Variants in MYH7 observed in about 807,000 individuals in gnomAD.
MYH7 encodes myosin-7.
In MYH7, 129 loss-of-function variants were observed where a neutral mutation model predicts 225.4. That is an observed-to-expected ratio of 0.57 (90% CI 0.50 to 0.66). The LOEUF (loss-of-function observed/expected upper bound fraction) is 0.66. MYH7 is among the 30% of genes least tolerant of loss of function. MYH7 has a pLI of 0.00. For missense variants in MYH7, 1,649 were observed against 2,517.0 expected (o/e 0.66, Z 7.38); for synonymous variants, 971 against 1,007.6 (o/e 0.96, Z 0.69).
intron 27 of MYH7, 46 bp from the exon 28 acceptor site, chr14:23,419,655 G>T (rs1028388804): frequency 1.9e-6 from 3 of 1,606,284 alleles, no homozygotes; most frequent in Non-Finnish European, 2.6e-6. Flanking sequence ...GGGGCGGGGG[G>T]AATGAAGGGG....
rs45448096 is a variant in MYH7, at chr14:23,427,947, G to A, written c.1579-53C>T. The A allele has an allele frequency of 1.8e-3, 2,879 of 1,606,876 alleles. 7 individuals are homozygous for A. Among genetic ancestry groups the A allele is most frequent in the Admixed American group, 3.7e-3 (220 of 59,948 alleles). On this transcript the variant is annotated intron_variant, in intron 15 of 39. Coordinates refer to ENST00000355349, the MANE Select transcript of MYH7 (RefSeq NM_000257.4). ...AGTGTCCTTCACACAGGTGGACATG[G>A]ATTCTGCTCTATGGTCAATATACTT...
intron 11 of MYH7, 79 bp downstream of exon 11, chr14:23,430,481 T>C: frequency 1.7e-6 from 2 of 1,155,344 alleles, no homozygotes; most frequent in South Asian, 1.3e-5. Context: ...ATGGCCAGCG[T>C]CTTAGCTCTG....
intron 33 of MYH7, 42 bp downstream of exon 33, chr14:23,416,826 G>T: frequency 6.2e-7 from 1 of 1,613,506 alleles, no homozygotes; most frequent in Non-Finnish European, 8.5e-7. Flanking sequence ...CAAAAGCCTG[G>T]AGCTCAGCTC....
In MYH7 at chr14:23,418,326, C is replaced by T. The variant is rs397516200; in HGVS notation, c.4053G>A (p.Thr1351=). 1.0e-4 allele frequency: 167 copies of T among 1,613,754 alleles called. 4 individuals carry two copies. The South Asian group carries it at 1.1e-3, about 10-fold the overall frequency. The change falls in exon 30 of 40, where the codon ACG becomes ACA. Residue 1351 remains threonine, a synonymous_variant. Coordinates refer to ENST00000355349, the MANE Select transcript of MYH7 (RefSeq NM_000257.4). ...DLLREQYEEE[T]EAKAELQRVL... ...CGCGCTGCAGCTCGGCCTTGGCCTCCGTCTCCTCCTCGTACTGCTCCCGCA... is the reference window on the plus strand; with the variant it reads ...CGCGCTGCAGCTCGGCCTTGGCCTCTGTCTCCTCCTCGTACTGCTCCCGCA...
Position 23,414,998 on chromosome 14 carries a change from G to C in MYH7, c.5556C>G (p.Tyr1852Ter), listed in dbSNP as rs730880823. Reference sequence around the variant, plus strand: ...CTGGAGTCACCGCCCGTCGCACCTGGTAGGTGAGCTCCTTGATGCGCCGCT... The same window carrying C: ...CTGGAGTCACCGCCCGTCGCACCTGCTAGGTGAGCTCCTTGATGCGCCGCT... ...KSERRIKELT[Y>*]QTEEDRKNLL... is the part of the protein sequence containing the mutation. Residue 1852 changes from tyrosine (Y) to a stop codon, truncating the protein, a stop_gained, in exon 37 of 40, where the codon TAC becomes TAG. Transcript: ENST00000355349. LOFTEE classifies it high-confidence loss of function. 14 of 1,607,226 alleles carry C rather than the reference G, an allele frequency of 8.7e-6. No individual in the cohort carries two copies. The highest frequency in any genetic ancestry group is 1.2e-5 in the Non-Finnish European group (14 of 1,179,984).
chr14:23,419,723 A>ACCTTCCC, intron 27 of MYH7, 114 bp from the exon 28 acceptor site: 1 of 1,611,876 alleles, frequency 6.2e-7, no homozygotes, highest in Non-Finnish European at 8.5e-7. Flanking sequence ...GAAGGAGGGG[A>ACCTTCCC]TCTGAGAACC....
chr14:23,425,453 AG>A lies in MYH7; in HGVS notation c.2287-36del. On this transcript the variant is annotated intron_variant, in intron 20 of 39. Coordinates refer to ENST00000355349, the MANE Select transcript of MYH7 (RefSeq NM_000257.4). The surrounding 1 kb of genome is among the most constrained non-coding windows in gnomAD (Gnocchi z 4.6). ...AGGTGTGTGTTGGCCATGACTAGGG[AG>A]GGGTACGAGGGAAAGAGATGGTGGG... is the stretch of plus-strand genomic sequence containing the variant. 6.2e-7 allele frequency: 1 copy of A among 1,613,782 alleles called. No individual in the cohort carries two copies. The highest frequency in any genetic ancestry group is 8.5e-7 in the Non-Finnish European group (1 of 1,179,978).
At chr14:23,431,296 A>G in intron 9 of MYH7, 122 bp downstream of exon 9, 1 of 1,002,760 alleles carries the variant, frequency 1.0e-6, no homozygotes, top group South Asian at 1.3e-5. Context: ...AGAGACACCT[A>G]CAGACAGAGA....
intron 9 of MYH7, 42 bp from the exon 10 acceptor site, chr14:23,431,041 G>A (rs528944730): frequency 1.4e-6 from 2 of 1,440,978 alleles, no homozygotes; most frequent in South Asian, 2.3e-5. Context: ...AGAAAAGTTA[G>A]GGTTTGGGCA....
chr14:23,427,999 T>A, intron 15 of MYH7, 105 bp from the exon 16 acceptor site: 1 of 1,432,308 alleles, frequency 7.0e-7, no homozygotes, highest in South Asian at 1.2e-5. Context: ...TGTTGGGTGT[T>A]AAGGTAGTAG....
Position 23,422,427 on chromosome 14 carries a change from C to T in MYH7, c.3100-102G>A, listed in dbSNP as rs79015823. ...ACTTGGTAAATCTTTGTGTTCAGGA[C>T]TTGGGAAACCTTCCCCAGAGTGGGC... On this transcript the variant is annotated intron_variant, in intron 24 of 39. Transcript: ENST00000355349. 1.3e-3 allele frequency: 2,006 copies of T among 1,531,756 alleles called. 22 individuals carry two copies. In the African/African-American group the frequency reaches 0.023, roughly 17 times the overall value. The allele number at this position is 1,531,756 out of a possible 1,614,324, so 94.9% of individuals were successfully genotyped here. A position where few individuals can be genotyped will look rare whatever the true frequency, so the allele number is the denominator to read the frequency against.
intron 38 of MYH7, 48 bp from the exon 39 acceptor site, chr14:23,413,941 C>A: frequency 6.2e-7 from 1 of 1,614,232 alleles, no homozygotes; most frequent in Non-Finnish European, 8.5e-7. Context: ...GGTTCTCAGA[C>A]TCCTGGCTTG....
rs146641667 is a variant in MYH7 at position 23,416,585 on chromosome 14, A to G, written c.4645-273T>C. On this transcript the variant is annotated intron_variant, in intron 33 of 39. Coordinates refer to ENST00000355349, the MANE Select transcript of MYH7 (RefSeq NM_000257.4). ...AGGAAACAGAGGCAATCAGGTATAGAGTATAAAAGAAAACAGAGGGAGGCA... is the reference window on the plus strand; with the variant it reads ...AGGAAACAGAGGCAATCAGGTATAGGGTATAAAAGAAAACAGAGGGAGGCA... Among the ~76,000 whole-genome samples the G allele has an allele frequency of 5.2e-3, 788 of 152,316 alleles. 12 individuals are homozygous for G. Among genetic ancestry groups the G allele is most frequent in the African/African-American group, 0.018 (737 of 41,566 alleles).
chr14:23,417,210 A>G lies in MYH7; in HGVS notation c.4462T>C (p.Tyr1488His). ...STELFKLKNA[Y>H]EESLEHLETF... The stretch of plus-strand genomic sequence containing the variant: ...TCCAGATGTTCCAGGGACTCCTCAT[A>G]GGCGTTCTTGAGTTTGAAGAGCTCT... Residue 1488 changes from tyrosine (Y) to histidine (H), a missense_variant, in exon 32 of 40, where the codon TAT (tyrosine) becomes CAT (histidine). By Grantham distance (83) the Tyr-to-His change is moderately conservative. Coordinates refer to ENST00000355349, the MANE Select transcript of MYH7 (RefSeq NM_000257.4). The G allele has an allele frequency of 6.2e-7, 1 of 1,614,122 alleles. No homozygotes were observed. Among genetic ancestry groups the G allele is most frequent in the Non-Finnish European group, 8.5e-7 (1 of 1,180,010 alleles).
chr14:23,417,900 C>G (rs528565586), intron 30 of MYH7: 1 of 881,584 alleles, frequency 1.1e-6, no homozygotes, highest in African/African-American at 1.6e-5. Context: ...CCAGCCTCTG[C>G]GCTATGGACA....
intron 29 of MYH7, 63 bp from the exon 30 acceptor site, chr14:23,418,469 C>T (rs1053022492): frequency 1.3e-6 from 2 of 1,513,086 alleles, no homozygotes; most frequent in Non-Finnish European, 8.8e-7. Context: ...CCCACCCTTG[C>T]CCTTCTCCTC....
In MYH7 at chr14:23,431,657, G is replaced by A. The variant is rs1277105647; in HGVS notation, c.660C>T (p.Ile220=). The A allele has an allele frequency of 2.0e-5, 32 of 1,614,150 alleles. 1 individual carries two copies. The East Asian group carries it at 6.9e-4, about 35-fold the overall frequency. ...SPGKGTLEDQ[I]IQANPALEAF... is the part of the protein sequence containing the mutation. ...CCTCCAGAGCAGGGTTGGCCTGGAT[G>A]ATCTGGTCCTCCAGGGTGCCCTGCA... The change falls in exon 8 of 40, where the codon ATC becomes ATT. Residue 220 remains isoleucine, a synonymous_variant. Transcript: ENST00000355349.
At chr14:23,416,335 G>A in intron 33 of MYH7, 23 bp from the exon 34 acceptor site, 1 of 1,608,970 alleles carries the variant, frequency 6.2e-7, no homozygotes, top group Middle Eastern at 1.7e-4. Flanking sequence ...TGGGGGAGGG[G>A]ATGCAGGCAG....
In MYH7 at chr14:23,423,913, C is replaced by G. The variant is rs141191984; in HGVS notation, c.2916G>C (p.Glu972Asp). ...AKVEKEKHAT[E>D]NKVKNLTEEM... Reference sequence around the variant, plus strand: ...CAAAGGGAGCTGCCCTTACCTTGTTCTCTGTTGCGTGTTTCTCCTTCTCCA... The same window carrying G: ...CAAAGGGAGCTGCCCTTACCTTGTTGTCTGTTGCGTGTTTCTCCTTCTCCA... The change falls in exon 23 of 40, where the codon GAG becomes GAC. Residue 972 changes from glutamate (E) to aspartate (D), a missense_variant. Physicochemically the swap from Glu to Asp is conservative, Grantham distance 45 (BLOSUM62 2). Transcript: ENST00000355349. The G allele has an allele frequency of 2.5e-6, 4 of 1,613,946 alleles. No individual in the cohort carries two copies. In the African/African-American group the frequency reaches 4.0e-5, roughly 16 times the overall value.
Sources: gnomAD v4.1 joint callset for allele counts (sites outside exome capture counted in the v4.1 genomes callset) on GRCh38, gnomAD v4.1.1 for gene constraint, Gnocchi (gnomAD v3.1) non-coding constraint, MANE v1.5 for transcripts, NCBI Gene and HGNC (gene_info 2026-07-23, HGNC 2026-07-21) for gene names.